The following SLC35D1 variants were observed in gnomAD, a reference collection of about 807,000 sequenced individuals.
The protein encoded by SLC35D1 is nucleotide sugar transporter SLC35D1.
Under a neutral mutation model 46.7 loss-of-function variants are expected in SLC35D1, and 31 were observed. That is an observed-to-expected ratio of 0.66 (90% confidence interval 0.50 to 0.90). SLC35D1 has a LOEUF of 0.90. Among genes scored for constraint, SLC35D1 ranks in the 40% least tolerant of loss-of-function variants. The pLI, the probability that SLC35D1 is intolerant of heterozygous loss-of-function variation, is 0.00. For synonymous variants in SLC35D1, 195 were observed against 164.6 expected (o/e 1.18, Z -1.41); for missense variants, 397 against 426.2 (o/e 0.93, Z 0.60).
chr1:67,013,157 G>GATATATATATATATATGTATATAT (rs964691631), intron 10 of SLC35D1, among the ~76,000 whole-genome samples: 55 of 29,718 alleles, frequency 1.9e-3, no homozygotes, highest in South Asian at 9.8e-3. Context: ...ATATCCTGGA[G>GATATATATATATATATGTATATAT]ATATATATAT....
rs1414411173 is a variant in SLC35D1 at position 67,007,268 on chromosome 1, C to T, written c.959+1817G>A. ...GAGGCTGGGGAGTCTAAGATCAAGG[C>T]AGGTTCAATGTCTAGAGAGGGCTCT... is the stretch of plus-strand genomic sequence containing the variant. On this transcript the variant is annotated intron_variant, in intron 11 of 11. Coordinates refer to ENST00000235345, the MANE Select transcript of SLC35D1 (RefSeq NM_015139.3). Among the ~76,000 whole-genome samples the T allele has an allele frequency of 2.0e-5, 3 of 152,294 alleles. No homozygotes were observed. In the East Asian group the frequency reaches 5.8e-4, roughly 29 times the overall value.
chr1:67,022,872 T>C (rs1386149315), intron 8 of SLC35D1, among the ~76,000 whole-genome samples: 1 of 152,190 alleles, frequency 6.6e-6, no homozygotes, highest in African/African-American at 2.4e-5. Flanking sequence ...CAACCTCTGA[T>C]CTACTTTCTG....
intron 8 of SLC35D1, among the ~76,000 whole-genome samples, chr1:67,031,828 C>T (rs569535412): frequency 6.6e-6 from 1 of 152,294 alleles, no homozygotes; most frequent in South Asian, 2.1e-4. Flanking sequence ...AGAAATTATT[C>T]GCTTAAACTT....
At chr1:67,008,177 T>C (rs1667488022) in intron 11 of SLC35D1, among the ~76,000 whole-genome samples, 1 of 152,190 alleles carries the variant, frequency 6.6e-6, no homozygotes, top group Non-Finnish European at 1.5e-5. Flanking sequence ...TCTCACTCTG[T>C]TGCCAGGCTG....
At chr1:67,053,669 C>T in intron 1 of SLC35D1, 142 bp downstream of exon 1, 2 of 775,178 alleles carry the variant, frequency 2.6e-6, no homozygotes, top group Non-Finnish European at 3.5e-6. Flanking sequence ...GGGCCGCGCG[C>T]GTCAGCCGCC....
chr1:67,052,916 TAAC>T, intron 2 of SLC35D1, 37 bp downstream of exon 2: 1 of 1,614,060 alleles, frequency 6.2e-7, no homozygotes, highest in Non-Finnish European at 8.5e-7. Flanking sequence ...ACAGAAGTTC[TAAC>T]AACATAAACC....
downstream of SLC35D1, among the ~76,000 whole-genome samples, chr1:66,994,817 G>GTATTTAA (rs1262785205): frequency 3.3e-5 from 5 of 149,888 alleles, no homozygotes; most frequent in African/African-American, 1.2e-4. Context: ...TTTTAATTAA[G>GTATTTAA]TATTTAAGGT....
At chr1:66,991,371 T>G in the SLC35D1 span, among the ~76,000 whole-genome samples, 1 of 152,328 alleles carries the variant, frequency 6.6e-6, no homozygotes, top group East Asian at 1.9e-4. Context: ...ACCACATTGC[T>G]AGCCTGAGTC....
chr1:66,976,172 T>G, the SLC35D1 span, among the ~76,000 whole-genome samples: 1 of 152,032 alleles, frequency 6.6e-6, no homozygotes, highest in South Asian at 2.1e-4. Context: ...CCCGGCTAAT[T>G]TTTGTATTTT....
At chr1:67,015,129 A>G (rs1667655435) in intron 10 of SLC35D1, among the ~76,000 whole-genome samples, 1 of 148,856 alleles carries the variant, frequency 6.7e-6, no homozygotes, top group Non-Finnish European at 1.5e-5. Flanking sequence ...TTAGTAAAAA[A>G]GGTTATAAAA....
At chr1:67,031,138 G>T (rs1193321640) in intron 8 of SLC35D1, among the ~76,000 whole-genome samples, 3 of 152,116 alleles carry the variant, frequency 2.0e-5, no homozygotes, top group African/African-American at 7.2e-5. Context: ...TAAATCTCAT[G>T]GATATGGTTC....
intron 10 of SLC35D1, among the ~76,000 whole-genome samples, chr1:67,011,778 C>T (rs1667570932): frequency 6.6e-6 from 1 of 152,156 alleles, no homozygotes; most frequent in Admixed American, 6.5e-5. Flanking sequence ...AGCCACCACA[C>T]CCACCCATAC....
intron 8 of SLC35D1, among the ~76,000 whole-genome samples, chr1:67,035,114 T>G (rs113396147): frequency 6.6e-6 from 1 of 152,200 alleles, no homozygotes; most frequent in South Asian, 2.1e-4. Context: ...ATCAGTGACA[T>G]TGGCCTACAG....
the SLC35D1 span, chr1:66,976,789 G>A: frequency 7.7e-7 from 1 of 1,300,392 alleles, no homozygotes. Flanking sequence ...TTTTTCTTGA[G>A]TTAATTATTA....
intron 11 of SLC35D1, among the ~76,000 whole-genome samples, chr1:67,005,943 A>G (rs1305509932): frequency 6.6e-6 from 1 of 152,206 alleles, no homozygotes; most frequent in African/African-American, 2.4e-5. Flanking sequence ...TAACTGCTGA[A>G]CTGAGTATCC....
At chr1:67,049,938 CA>C (rs1645290789) in intron 5 of SLC35D1, 88 bp from the exon 6 acceptor site, 1 of 912,724 alleles carries the variant, frequency 1.1e-6, no homozygotes, top group African/African-American at 1.6e-5. Context: ...TATGCTTTCT[CA>C]AAAGCTATAA....
Position 67,049,858 on chromosome 1 carries a change from A to G in SLC35D1, c.465-8T>C. On this transcript the variant is annotated splice_polypyrimidine_tract_variant and splice_region_variant and intron_variant, in intron 5 of 11. Coordinates refer to ENST00000235345, the MANE Select transcript of SLC35D1 (RefSeq NM_015139.3). ...CCCCAAGAAAAAGTCTTCCTACAAA[A>G]CAAAAAATTTTAAAATACACACATG... 1 of 1,608,740 alleles carries G rather than the reference A, an allele frequency of 6.2e-7. No homozygotes were observed. The highest frequency in any genetic ancestry group is 8.5e-7 in the Non-Finnish European group (1 of 1,175,912).
At chr1:67,010,612 T>C (rs1667543971) in intron 10 of SLC35D1, among the ~76,000 whole-genome samples, 1 of 152,228 alleles carries the variant, frequency 6.6e-6, no homozygotes, top group Non-Finnish European at 1.5e-5. Context: ...ACTTGGGACC[T>C]GAAATATTTC....
rs1397614477 is a variant in SLC35D1 at position 67,000,719 on chromosome 1, G to A, written c.*3621C>T. 6.6e-6 allele frequency: 1 copy of A among 152,234 alleles called. No homozygotes were observed. Among genetic ancestry groups the A allele is most frequent in the Non-Finnish European group, 1.5e-5 (1 of 68,036 alleles). 9.4% of individuals were successfully genotyped at this position (152,234 alleles called of 1,614,324 possible). A position where few individuals can be genotyped will look rare whatever the true frequency, so the allele number is the denominator to read the frequency against. On this transcript the variant is annotated 3_prime_UTR_variant, in exon 12 of 12. Coordinates refer to ENST00000235345, the MANE Select transcript of SLC35D1 (RefSeq NM_015139.3). ...TATTCCGAACTTTTTTCCTCAGGGA[G>A]AGAAAAATCAATTACAGTCTTGTTC...
Sources: allele counts gnomAD v4.1 joint callset (sites outside exome capture counted in the v4.1 genomes callset), GRCh38; gene constraint gnomAD v4.1.1; transcripts MANE v1.5; gene names NCBI Gene and HGNC (gene_info 2026-07-23, HGNC 2026-07-21).